Variants in PSMD14 observed in about 807,000 individuals in gnomAD.
The protein encoded by PSMD14 is ubiquitin C-terminal hydrolase PSMD14.
PSMD14 carries 7 observed loss-of-function variants against 41.2 expected under a neutral mutation model. The ratio of observed to expected loss-of-function variants is 0.17; its 90% confidence interval spans 0.10 to 0.32. The LOEUF (loss-of-function observed/expected upper bound fraction) is 0.32. PSMD14 is among the 10% of genes least tolerant of loss of function. The probability of loss-of-function intolerance (pLI) is 1.00; values close to 1 mark genes in which losing one functional copy is unlikely to be tolerated. For missense variants in PSMD14, 139 were observed against 375.6 expected, an observed-to-expected ratio of 0.37 and a Z score of 5.21; for synonymous variants, 114 against 122.3, an observed-to-expected ratio of 0.93 and a Z score of 0.45.
intron 10 of PSMD14, 73 bp from the exon 11 acceptor site, chr2:161,408,762 ATT>A (rs1683987523): frequency 8.9e-7 from 1 of 1,119,302 alleles, no homozygotes; most frequent in East Asian, 2.5e-5. Context: ...GGTCATCATT[ATT>A]TTTGGTGATT....
chr2:161,333,259 A>G (rs1018482574), intron 3 of PSMD14, among the ~76,000 whole-genome samples: 1 of 152,234 alleles, frequency 6.6e-6, no homozygotes, highest in Non-Finnish European at 1.5e-5. Flanking sequence ...TGACTTCCTC[A>G]AATGCCTGTG....
intron 3 of PSMD14, chr2:161,340,717 G>A (rs1285608044): frequency 1.9e-6 from 3 of 1,585,334 alleles, no homozygotes; most frequent in Admixed American, 1.8e-5. Flanking sequence ...CACCCTGGGC[G>A]CCTGCCCAGA....
At chr2:161,389,892 T>TTTTTTTTTTTGTTTTTTTTTG (rs1683688204) in intron 8 of PSMD14, among the ~76,000 whole-genome samples, 1 of 4,470 alleles carries the variant, frequency 2.2e-4, no homozygotes, top group East Asian at 0.071. Context: ...TTTTGTTGTT[T>TTTTTTTTTTTGTTTTTTTTTG]TTTTTTTTTT....
At chr2:161,311,009 A>C (rs1390520460) in intron 1 of PSMD14, among the ~76,000 whole-genome samples, 1 of 152,192 alleles carries the variant, frequency 6.6e-6, no homozygotes, top group Non-Finnish European at 1.5e-5. Flanking sequence ...AAATATTTGG[A>C]AAAAAGTTGC....
intron 1 of PSMD14, among the ~76,000 whole-genome samples, chr2:161,315,674 T>C (rs2105229259): frequency 6.6e-6 from 1 of 152,256 alleles, no homozygotes. Context: ...GGACTACTAA[T>C]GCCTCCTAGT....
intron 3 of PSMD14, among the ~76,000 whole-genome samples, chr2:161,354,129 T>G (rs558015098): frequency 2.0e-5 from 3 of 152,284 alleles, no homozygotes; most frequent in African/African-American, 7.2e-5. Context: ...ACGTTCAGGT[T>G]CTGCTTGATT....
intron 1 of PSMD14, among the ~76,000 whole-genome samples, chr2:161,311,832 C>T (rs1689091285): frequency 6.6e-6 from 1 of 151,868 alleles, no homozygotes; most frequent in African/African-American, 2.4e-5. Context: ...CCAGGCTGGT[C>T]TCAAACTCCT....
intron 3 of PSMD14, among the ~76,000 whole-genome samples, chr2:161,327,946 C>CTGGGTGTGTGTGTGTGTGTGTG (rs1682724481): frequency 8.5e-6 from 1 of 117,116 alleles, no homozygotes; most frequent in East Asian, 2.9e-4. Flanking sequence ...CTCATGTAAG[C>CTGGGTGTGTGTGTGTGTGTGTG]TGTGTGTGTG....
At chr2:161,369,098 C>T (rs1683398072) in intron 5 of PSMD14, among the ~76,000 whole-genome samples, 1 of 151,780 alleles carries the variant, frequency 6.6e-6, no homozygotes. Context: ...TTATATTAGG[C>T]TACATGAAAC....
intron 3 of PSMD14, among the ~76,000 whole-genome samples, chr2:161,328,627 A>T (rs572397714): frequency 6.6e-6 from 1 of 152,122 alleles, no homozygotes; most frequent in Non-Finnish European, 1.5e-5. Flanking sequence ...TAAGTGTTAT[A>T]TTACTTAAAT....
chr2:161,408,886 A>G lies in PSMD14; in HGVS notation c.821A>G (p.Asn274Ser). ...KMTPEQLAIK[N>S]VGKQDPKRHL... ...ACACCTGAACAGCTGGCAATAAAGA[A>G]TGTTGGCAAGCAGGTGAGGTGTACT... The change falls in exon 11 of 12, where the codon AAT becomes AGT. Residue 274 changes from asparagine to serine, a missense_variant. Physicochemically the swap from Asn to Ser is conservative, Grantham distance 46. Around this residue, in one of 4 missense-constraint regions of PSMD14, gnomAD observed 80 missense variants for 138.1 expected, o/e 0.58. Transcript: ENST00000409682. 6.2e-7 allele frequency: 1 copy of G among 1,604,848 alleles called. No homozygotes were observed. Among genetic ancestry groups the G allele is most frequent in the Non-Finnish European group, 8.5e-7 (1 of 1,173,102 alleles).
intron 2 of PSMD14, among the ~76,000 whole-genome samples, chr2:161,316,862 C>T (rs1490612228): frequency 2.0e-5 from 3 of 152,140 alleles, no homozygotes; most frequent in African/African-American, 7.2e-5. Flanking sequence ...GATTTTCTTT[C>T]TCTCTGCTTC....
At chr2:161,405,309 C>G (rs1683934699) in intron 10 of PSMD14, among the ~76,000 whole-genome samples, 1 of 152,148 alleles carries the variant, frequency 6.6e-6, no homozygotes, top group Non-Finnish European at 1.5e-5. Context: ...CCCAGGTGAT[C>G]CACAAGAAAA....
intron 3 of PSMD14, among the ~76,000 whole-genome samples, chr2:161,362,657 A>G (rs887410225): frequency 6.6e-6 from 1 of 152,194 alleles, no homozygotes; most frequent in Admixed American, 6.5e-5. Context: ...TTTACCTAAA[A>G]CTTTGAAGAT....
intron 8 of PSMD14, among the ~76,000 whole-genome samples, chr2:161,386,617 C>A (rs1056827497): frequency 6.6e-6 from 1 of 151,534 alleles, no homozygotes; most frequent in African/African-American, 2.4e-5. Flanking sequence ...ATGAAATAAG[C>A]TACCAGTGGT....
chr2:161,389,848 G>T (rs894487520), intron 8 of PSMD14, among the ~76,000 whole-genome samples: 2 of 109,238 alleles, frequency 1.8e-5, no homozygotes, highest in Non-Finnish European at 4.0e-5. Flanking sequence ...TAGAAACTTG[G>T]ACAAATTAAT....
Position 161,394,686 on chromosome 2 carries a change from A to G in PSMD14, c.646-392A>G, listed in dbSNP as rs186819770. Among the ~76,000 whole-genome samples the G allele has an allele frequency of 1.2e-4, 18 of 152,294 alleles. No individual in the cohort carries two copies. The East Asian group carries it at 3.5e-3, about 29-fold the overall frequency. Reference sequence around the variant, plus strand: ...GGAGAGAAATGCAGTAAACAAGTAAACAAAAATTTCAGGTCTTTGTAAGCA... The same window carrying G: ...GGAGAGAAATGCAGTAAACAAGTAAGCAAAAATTTCAGGTCTTTGTAAGCA... On this transcript the variant is annotated intron_variant, in intron 9 of 11. Coordinates refer to ENST00000409682, the MANE Select transcript of PSMD14 (RefSeq NM_005805.6).
intron 5 of PSMD14, among the ~76,000 whole-genome samples, chr2:161,368,826 T>C (rs1683393148): frequency 6.6e-6 from 1 of 151,800 alleles, no homozygotes. Context: ...CAATTTTAAG[T>C]ACTGTAATAT....
intron 3 of PSMD14, among the ~76,000 whole-genome samples, chr2:161,332,160 C>T (rs2105237060): frequency 6.6e-6 from 1 of 152,252 alleles, no homozygotes; most frequent in African/African-American, 2.4e-5. Flanking sequence ...TTTATCCTGA[C>T]ATGTAATACT....
Sources: allele counts gnomAD v4.1 joint callset (sites outside exome capture counted in the v4.1 genomes callset), GRCh38; gene constraint gnomAD v4.1.1; regional missense constraint gnomAD v4.1.1; transcripts MANE v1.5; gene names NCBI Gene and HGNC (gene_info 2026-07-23, HGNC 2026-07-21).